Variants in FAT3 observed in about 807,000 individuals in gnomAD.
FAT3 encodes FAT atypical cadherin 3.
In FAT3, 95 loss-of-function variants were observed where a neutral mutation model predicts 310.2. That is an observed-to-expected ratio of 0.31 (90% CI 0.26 to 0.36). FAT3 has a LOEUF of 0.36. FAT3 is among the 10% of genes least tolerant of loss of function. The probability of loss-of-function intolerance (pLI) is 1.00; values close to 1 mark genes in which losing one functional copy is unlikely to be tolerated. For synonymous variants in FAT3, 2,314 were observed against 2,192.9 expected (o/e 1.06, Z -1.54); for missense variants, 5,408 against 5,715.6 (o/e 0.95, Z 1.74).
At chr11:92,275,822 T>TA (rs1351897546) in intron 1 of FAT3, among the ~76,000 whole-genome samples, 3 of 151,640 alleles carry the variant, frequency 2.0e-5, no homozygotes, top group African/African-American at 7.3e-5. Context: ...TATAACCTTT[T>TA]ATTTTTCATA....
At chr11:92,360,110 A>T (rs1948841816) in intron 2 of FAT3, among the ~76,000 whole-genome samples, 1 of 152,186 alleles carries the variant, frequency 6.6e-6, no homozygotes, top group Non-Finnish European at 1.5e-5. Context: ...TGTAAACCCC[A>T]TCGTCTCAGC....
chr11:92,292,579 C>G (rs1946719375), intron 1 of FAT3, among the ~76,000 whole-genome samples: 1 of 152,074 alleles, frequency 6.6e-6, no homozygotes, highest in Non-Finnish European at 1.5e-5. Flanking sequence ...TATGTCCCTG[C>G]ATATTTTTGT....
intron 2 of FAT3, among the ~76,000 whole-genome samples, chr11:92,499,865 A>G (rs183654059): frequency 1.3e-5 from 2 of 152,094 alleles, no homozygotes; most frequent in East Asian, 1.9e-4. Context: ...AAAGTGATAG[A>G]ATAGAGCTAG....
intron 7 of FAT3, 26 bp from the exon 8 acceptor site, chr11:92,789,917 T>C (rs1346476484): frequency 6.2e-7 from 1 of 1,609,458 alleles, no homozygotes; most frequent in African/African-American, 1.3e-5. Flanking sequence ...GCATTAGTCA[T>C]CATTCTTTTC....
At chr11:92,814,236 G>A (rs774802264) in intron 13 of FAT3, among the ~76,000 whole-genome samples, 5 of 152,106 alleles carry the variant, frequency 3.3e-5, no homozygotes, top group Non-Finnish European at 7.3e-5. Flanking sequence ...AAAATATACC[G>A]TTCATTATGA....
intron 2 of FAT3, among the ~76,000 whole-genome samples, chr11:92,416,956 C>A (rs150136667): frequency 1.3e-5 from 2 of 152,118 alleles, no homozygotes; most frequent in Non-Finnish European, 2.9e-5. Context: ...TAGGGCATTT[C>A]GCCAGGGCAG....
Position 92,486,250 on chromosome 11 carries a change from T to C in FAT3, c.3293-38384T>C, listed in dbSNP as rs1195790816. On this transcript the variant is annotated intron_variant, in intron 2 of 27. Coordinates refer to ENST00000525166, the MANE Select transcript of FAT3 (RefSeq NM_001367949.2). Reference sequence around the variant, plus strand: ...GGGGCTTTTACTATGGATTGGTTAGTTACTTTATTGACTGTGTATTAACAC... The same window carrying C: ...GGGGCTTTTACTATGGATTGGTTAGCTACTTTATTGACTGTGTATTAACAC... 3.3e-5 allele frequency among the ~76,000 whole-genome samples: 5 copies of C among 150,816 alleles called. No individual in the cohort carries two copies. In the East Asian group the frequency reaches 9.9e-4, roughly 30 times the overall value.
At chr11:92,358,676 A>T (rs1449593924) in intron 2 of FAT3, among the ~76,000 whole-genome samples, 3 of 152,064 alleles carry the variant, frequency 2.0e-5, no homozygotes, top group African/African-American at 7.2e-5. Flanking sequence ...GACCATCTGG[A>T]TTTGTTTCCA....
intron 2 of FAT3, among the ~76,000 whole-genome samples, chr11:92,430,821 C>G (rs1047751771): frequency 5.9e-5 from 9 of 152,118 alleles, no homozygotes; most frequent in East Asian, 1.9e-4. Context: ...TCATCCATGT[C>G]CCTACAAGGG....
At chr11:92,741,591 A>C (rs187484593) in intron 4 of FAT3, among the ~76,000 whole-genome samples, 1 of 152,364 alleles carries the variant, frequency 6.6e-6, no homozygotes, top group Admixed American at 6.5e-5. Flanking sequence ...GTTATTAATG[A>C]CAGTAGTCAC....
At chr11:92,721,438 A>AT (rs1266509606) in intron 4 of FAT3, among the ~76,000 whole-genome samples, 1 of 152,192 alleles carries the variant, frequency 6.6e-6, no homozygotes, top group Non-Finnish European at 1.5e-5. Context: ...AGTAAAGCTA[A>AT]TTTTTTTAAA....
rs567619928 is a variant in FAT3, at chr11:92,839,028, T to G, written c.10368+1222T>G. Among the ~76,000 whole-genome samples, 6 of 152,342 alleles carry G rather than the reference T, an allele frequency of 3.9e-5. No individual in the cohort carries two copies. In the East Asian group the frequency reaches 1.2e-3, roughly 29 times the overall value. On this transcript the variant is annotated intron_variant, in intron 17 of 27. Transcript: ENST00000525166. Reference sequence around the variant, plus strand: ...TTCCTCCATTTCTCTTTCTCTCAGCTCACTCTTCTCCATGACTGTTGCTCA... The same window carrying G: ...TTCCTCCATTTCTCTTTCTCTCAGCGCACTCTTCTCCATGACTGTTGCTCA...
rs1391583085 is a variant in FAT3, at chr11:92,486,129, GGTTTTT to G, written c.3293-38504_3293-38499del. 2.7e-3 allele frequency among the ~76,000 whole-genome samples: 76 copies of G among 27,682 alleles called. 1 individual carries two copies. The highest frequency in any genetic ancestry group is 6.4e-3 in the African/African-American group (75 of 11,786). 18.2% of individuals were successfully genotyped at this position (27,682 alleles called of 152,430 possible). A position where few individuals can be genotyped will look rare whatever the true frequency, so the allele number is the denominator to read the frequency against. On this transcript the variant is annotated intron_variant, in intron 2 of 27. Coordinates refer to ENST00000525166, the MANE Select transcript of FAT3 (RefSeq NM_001367949.2). ...TGTGAAATAGAGGAGAGGCTGCTGG[GGTTTTT>G]TTTTTTTTTTTTTTTTTTTTTTTGG...
intron 17 of FAT3, among the ~76,000 whole-genome samples, chr11:92,838,933 T>G (rs1948471238): frequency 6.6e-6 from 1 of 152,128 alleles, no homozygotes. Flanking sequence ...TCCTCTCTGA[T>G]GCTTTTTCCA....
intron 3 of FAT3, among the ~76,000 whole-genome samples, chr11:92,693,912 G>A (rs538590038): frequency 2.0e-5 from 3 of 152,052 alleles, no homozygotes; most frequent in African/African-American, 7.2e-5. Context: ...CATGCCTGAG[G>A]CCTAAACTAA....
At chr11:92,450,794 C>T (rs1307077382) in intron 2 of FAT3, among the ~76,000 whole-genome samples, 3 of 152,172 alleles carry the variant, frequency 2.0e-5, no homozygotes, top group Non-Finnish European at 4.4e-5. Flanking sequence ...AGATTATGTT[C>T]TCTTGATATT....
At chr11:92,666,023 A>G (rs7120574) in intron 3 of FAT3, among the ~76,000 whole-genome samples, 4,136 of 152,264 alleles carry the variant, frequency 0.027, 204 homozygotes, top group African/African-American at 0.094. Context: ...TTTTTTAAAT[A>G]AAGGCAAAAA....
At chr11:92,412,938 C>T (rs1950328603) in intron 2 of FAT3, among the ~76,000 whole-genome samples, 2 of 151,494 alleles carry the variant, frequency 1.3e-5, no homozygotes, top group South Asian at 4.2e-4. Context: ...CCTACATTGA[C>T]ACATCATAGT....
intron 3 of FAT3, among the ~76,000 whole-genome samples, chr11:92,586,530 C>G (rs1430413716): frequency 6.6e-6 from 1 of 151,972 alleles, no homozygotes; most frequent in Non-Finnish European, 1.5e-5. Flanking sequence ...TGGTATACCT[C>G]TTGCCATTTT....
Sources: gnomAD v4.1 joint callset for allele counts (sites outside exome capture counted in the v4.1 genomes callset) on GRCh38, gnomAD v4.1.1 for gene constraint, MANE v1.5 for transcripts, NCBI Gene and HGNC (gene_info 2026-07-23, HGNC 2026-07-21) for gene names.